Variants in HPSE2 observed in about 807,000 individuals in gnomAD.
HPSE2 encodes inactive heparanase-2.
A neutral mutation model predicts 60.5 loss-of-function variants in HPSE2; 38 were observed. The ratio of observed to expected loss-of-function variants is 0.63; its 90% confidence interval spans 0.48 to 0.82. The LOEUF (loss-of-function observed/expected upper bound fraction) is 0.82, where lower values mean the gene tolerates loss of function less well. Among genes scored for constraint, HPSE2 ranks in the 40% least tolerant of loss-of-function variants. HPSE2 has a pLI of 0.00. For missense variants in HPSE2, 713 were observed against 740.4 expected (o/e 0.96, Z 0.43); for synonymous variants, 295 against 293.2 (o/e 1.01, Z -0.06).
In HPSE2 at chr10:98,558,284, T is replaced by C. The variant is rs902677840; in HGVS notation, c.1320+56620A>G. Among the ~76,000 whole-genome samples, 3 of 152,220 alleles carry C rather than the reference T, an allele frequency of 2.0e-5. No homozygotes were observed. The South Asian group carries it at 6.2e-4, about 32-fold the overall frequency. ...CCTAGGTATACATCCAATAGAAATG[T>C]ACGTATATGTTTACTAAAAGATGTC... On this transcript the variant is annotated intron_variant, in intron 9 of 11. Transcript: ENST00000370552.
intron 3 of HPSE2, among the ~76,000 whole-genome samples, chr10:98,901,997 G>C (rs1293288320): frequency 6.6e-6 from 1 of 152,058 alleles, no homozygotes; most frequent in South Asian, 2.1e-4. Context: ...TTTAATTCCA[G>C]AGTGCTCAAC....
intron 3 of HPSE2, among the ~76,000 whole-genome samples, chr10:98,765,637 A>G (rs557517647): frequency 1.2e-4 from 19 of 152,214 alleles, no homozygotes; most frequent in Non-Finnish European, 1.2e-4. Flanking sequence ...CAGGAGTTCA[A>G]GACCAGCCTG....
Position 98,595,800 on chromosome 10 carries a change from T to C in HPSE2, c.1320+19104A>G, listed in dbSNP as rs539792369. 3.3e-5 allele frequency among the ~76,000 whole-genome samples: 5 copies of C among 152,308 alleles called. No homozygotes were observed. The South Asian group carries it at 1.0e-3, about 32-fold the overall frequency. ...TTTCCTGATCTTAGAGGAAAAGCTT[T>C]CAACTTTTCACCATGGAGTATAATG... On this transcript the variant is annotated intron_variant, in intron 9 of 11. Transcript: ENST00000370552.
chr10:99,232,553 G>T, intron 1 of HPSE2, 48 bp from the exon 2 acceptor site: 1 of 1,543,354 alleles, frequency 6.5e-7, no homozygotes, highest in Non-Finnish European at 8.8e-7. Flanking sequence ...GACAGGACGA[G>T]AGCGCGTGGG....
chr10:99,162,906 A>G (rs541268534), intron 2 of HPSE2, among the ~76,000 whole-genome samples: 1 of 152,266 alleles, frequency 6.6e-6, no homozygotes, highest in South Asian at 2.1e-4. Flanking sequence ...TCAGCATACC[A>G]TCTTTGGAAA....
chr10:99,202,158 A>T (rs182191101), intron 2 of HPSE2, among the ~76,000 whole-genome samples: 1 of 152,358 alleles, frequency 6.6e-6, no homozygotes, highest in Non-Finnish European at 1.5e-5. Flanking sequence ...ACAGATATAG[A>T]GATAGAGATA....
At chr10:98,927,297 G>C (rs982694668) in intron 3 of HPSE2, among the ~76,000 whole-genome samples, 1 of 151,946 alleles carries the variant, frequency 6.6e-6, no homozygotes, top group African/African-American at 2.4e-5. Context: ...TCCTGTATTG[G>C]GTGCATATAT....
intron 3 of HPSE2, among the ~76,000 whole-genome samples, chr10:98,849,165 G>A (rs1369515308): frequency 6.6e-6 from 1 of 152,122 alleles, no homozygotes; most frequent in Non-Finnish European, 1.5e-5. Context: ...TGTAGAATAT[G>A]GGTAATAAAG....
chr10:98,993,942 T>C (rs1309344585), intron 3 of HPSE2, among the ~76,000 whole-genome samples: 1 of 152,230 alleles, frequency 6.6e-6, no homozygotes, highest in South Asian at 2.1e-4. Flanking sequence ...ATTATCAACA[T>C]ACTTCTTTTG....
At chr10:98,984,544 A>C (rs569300619) in intron 3 of HPSE2, among the ~76,000 whole-genome samples, 1 of 152,324 alleles carries the variant, frequency 6.6e-6, no homozygotes, top group South Asian at 2.1e-4. Flanking sequence ...GATGGGGAAA[A>C]AACAGAGCAG....
chr10:99,093,026 G>C lies in HPSE2; in HGVS notation c.610+51212C>G, dbSNP rs140571600. Among the ~76,000 whole-genome samples, 1,336 of 152,238 alleles carry C rather than the reference G, an allele frequency of 8.8e-3. 31 individuals carry two copies. Among genetic ancestry groups the C allele is most frequent in the Admixed American group, 0.042 (640 of 15,284 alleles). ...GGGCAGATCACAAGGTCAGGAGTTTGAGACCAGCCTGGCCAACATAGTGAA... is the reference window on the plus strand; with the variant it reads ...GGGCAGATCACAAGGTCAGGAGTTTCAGACCAGCCTGGCCAACATAGTGAA... On this transcript the variant is annotated intron_variant, in intron 3 of 11. Transcript: ENST00000370552.
chr10:98,529,990 T>G (rs1006330254), intron 9 of HPSE2, among the ~76,000 whole-genome samples: 7 of 152,240 alleles, frequency 4.6e-5, no homozygotes, highest in African/African-American at 1.7e-4. Flanking sequence ...CACTCTGTGA[T>G]AGAGCACCTA....
chr10:99,299,220 C>A, the HPSE2 span, among the ~76,000 whole-genome samples: 19 of 152,150 alleles, frequency 1.2e-4, no homozygotes, highest in African/African-American at 4.3e-4. Flanking sequence ...ACCCCTCCCC[C>A]TCATCCAACA....
At chr10:99,139,675 T>G (rs1332298982) in intron 3 of HPSE2, among the ~76,000 whole-genome samples, 1 of 152,184 alleles carries the variant, frequency 6.6e-6, no homozygotes, top group Non-Finnish European at 1.5e-5. Context: ...CTATAAATTT[T>G]TATATGGAAA....
At chr10:99,278,824 C>T in the HPSE2 span, among the ~76,000 whole-genome samples, 1 of 152,152 alleles carries the variant, frequency 6.6e-6, no homozygotes, top group Non-Finnish European at 1.5e-5. Flanking sequence ...GTAAAAGTAG[C>T]TGTCACACAG....
At chr10:99,280,814 CT>C in the HPSE2 span, among the ~76,000 whole-genome samples, 1 of 152,152 alleles carries the variant, frequency 6.6e-6, no homozygotes, top group Non-Finnish European at 1.5e-5. Flanking sequence ...GTTCTGTGAC[CT>C]TGAACTAGAC....
chr10:98,688,544 C>T (rs1393573156), intron 6 of HPSE2, among the ~76,000 whole-genome samples: 1 of 141,212 alleles, frequency 7.1e-6, no homozygotes, highest in Non-Finnish European at 1.5e-5. Flanking sequence ...GATACTATCT[C>T]GGCTAACTGC....
intron 2 of HPSE2, among the ~76,000 whole-genome samples, chr10:99,147,893 A>G (rs1366766562): frequency 6.6e-6 from 1 of 152,296 alleles, no homozygotes; most frequent in East Asian, 1.9e-4. Flanking sequence ...CTTAGGCTGA[A>G]ATCCCAAAAA....
At chr10:98,560,948 G>T (rs1240813635) in intron 9 of HPSE2, among the ~76,000 whole-genome samples, 1 of 152,132 alleles carries the variant, frequency 6.6e-6, no homozygotes, top group African/African-American at 2.4e-5. Context: ...AAATGACTTT[G>T]TGACTGGTTT....
Sources: gnomAD v4.1 joint callset for allele counts (sites outside exome capture counted in the v4.1 genomes callset) on GRCh38, gnomAD v4.1.1 for gene constraint, MANE v1.5 for transcripts, NCBI Gene and HGNC (gene_info 2026-07-23, HGNC 2026-07-21) for gene names.